NT5DC1: variants seen among roughly 807,000 people sequenced by gnomAD.
NT5DC1 encodes 5'-nucleotidase domain containing 1.
In NT5DC1, 42 loss-of-function variants were observed where a neutral mutation model predicts 59.4. That is an observed-to-expected ratio of 0.71 (90% CI 0.55 to 0.92). The LOEUF (loss-of-function observed/expected upper bound fraction) is 0.92, where lower values mean the gene tolerates loss of function less well. NT5DC1 is among the 40% of genes least tolerant of loss of function. NT5DC1 has a pLI of 0.00. For synonymous variants in NT5DC1, 172 were observed against 188.1 expected (o/e 0.91, Z 0.70); for missense variants, 501 against 537.1 (o/e 0.93, Z 0.66).
chr6:116,241,939 C>CAAAAAAAAAAAAAA (rs1280732737), intron 11 of NT5DC1, among the ~76,000 whole-genome samples: 1 of 12,030 alleles, frequency 8.3e-5, no homozygotes, highest in African/African-American at 3.0e-4. Flanking sequence ...AAAAAAAAAA[C>CAAAAAAAAAAAAAA]AAAACAAAAA....
At position 116,115,735 on chromosome 6, in the gene NT5DC1, C is replaced by A. The variant is rs777540067; in HGVS notation, c.409C>A (p.Leu137Ile). Reference protein sequence around the residue: ...YDNYFDLPGALLCARVVDYLT... With the variant: ...YDNYFDLPGAILCARVVDYLT... ...CAACTACTTTGACCTGCCAGGAGCT[C>A]TTCTGTGTGCCAGGGTGGTGGACTA... is the stretch of plus-strand genomic sequence containing the variant. Residue 137 changes from leucine to isoleucine, a missense_variant, in exon 5 of 12, where the codon CTT becomes ATT. By Grantham distance (5) the Leu-to-Ile change is conservative. Transcript: ENST00000319550. The A allele has an allele frequency of 1.2e-6, 2 of 1,604,930 alleles. No individual in the cohort carries two copies. The highest frequency in any genetic ancestry group is 3.3e-5 in the Admixed American group (2 of 59,976).
intron 6 of NT5DC1, among the ~76,000 whole-genome samples, chr6:116,194,944 A>G (rs1212213648): frequency 3.3e-5 from 5 of 152,080 alleles, no homozygotes; most frequent in African/African-American, 1.2e-4. Context: ...ATACTGTGGC[A>G]TATTTGCCAT....
At chr6:116,192,947 A>G (rs1252899063) in intron 6 of NT5DC1, among the ~76,000 whole-genome samples, 1 of 152,050 alleles carries the variant, frequency 6.6e-6, no homozygotes, top group Admixed American at 6.6e-5. Flanking sequence ...CCTTAAAGTC[A>G]AAAGCCAGGA....
rs1771868503 is a variant in NT5DC1 at position 116,247,318 on chromosome 6, T to C, written c.*3294T>C. On this transcript the variant is annotated 3_prime_UTR_variant, in exon 12 of 12. Transcript: ENST00000319550. ...ATAAAACTTACCTAGGAAAGTAAAA[T>C]AGAGATCCAAGAATCAGGAGTCCTA... 6.6e-6 allele frequency: 1 copy of C among 152,110 alleles called. No homozygotes were observed. Among genetic ancestry groups the C allele is most frequent in the African/African-American group, 2.4e-5 (1 of 41,436 alleles). 9.4% of individuals were successfully genotyped at this position (152,110 alleles called of 1,614,324 possible).
At chr6:116,185,562 TA>T (rs1280049962) in intron 6 of NT5DC1, among the ~76,000 whole-genome samples, 25 of 152,226 alleles carry the variant, frequency 1.6e-4, no homozygotes, top group African/African-American at 6.0e-4. Context: ...TGGGTGCGTA[TA>T]TAGTTAAGAT....
At chr6:116,222,027 C>G (rs914983011) in intron 7 of NT5DC1, among the ~76,000 whole-genome samples, 21 of 152,170 alleles carry the variant, frequency 1.4e-4, no homozygotes, top group Non-Finnish European at 1.5e-4. Flanking sequence ...GAGTATGGAG[C>G]AAGTTTGAGC....
chr6:116,114,762 G>T (rs1208430320), intron 4 of NT5DC1, among the ~76,000 whole-genome samples: 1 of 152,130 alleles, frequency 6.6e-6, no homozygotes, highest in Non-Finnish European at 1.5e-5. Flanking sequence ...AACAATGGTT[G>T]CTGGACTCCA....
chr6:116,193,830 G>A (rs549283447), intron 6 of NT5DC1, among the ~76,000 whole-genome samples: 7 of 152,110 alleles, frequency 4.6e-5, no homozygotes, highest in African/African-American at 1.4e-4. Flanking sequence ...TAGCACTTTG[G>A]GAGGCCGAAA....
chr6:116,208,531 T>C (rs1369797303), intron 6 of NT5DC1, among the ~76,000 whole-genome samples: 1 of 152,070 alleles, frequency 6.6e-6, no homozygotes, highest in Non-Finnish European at 1.5e-5. Flanking sequence ...TTTGTAAGGC[T>C]GTACTTAGGC....
At chr6:116,132,371 AGCC>A (rs1779490693) in intron 6 of NT5DC1, among the ~76,000 whole-genome samples, 1 of 152,130 alleles carries the variant, frequency 6.6e-6, no homozygotes, top group Non-Finnish European at 1.5e-5. Flanking sequence ...CCATTTCTCT[AGCC>A]TACTTTTCCT....
At chr6:116,156,494 A>G (rs1332087279) in intron 6 of NT5DC1, among the ~76,000 whole-genome samples, 1 of 152,190 alleles carries the variant, frequency 6.6e-6, no homozygotes, top group Non-Finnish European at 1.5e-5. Flanking sequence ...AGTGCAAAGT[A>G]AAAAGGAATG....
Position 116,100,934 on chromosome 6 carries a change from G to T in NT5DC1, c.4G>T (p.Ala2Ser). The T allele has an allele frequency of 6.2e-7, 1 of 1,601,904 alleles. No homozygotes were observed. ...CCCTGGTGCTCCCCGCGCAGCCATG[G>T]CTCAGCACTTCTCCCTGGCCGCCTG... Reference protein sequence around the residue: MAQHFSLAACDV... With the variant: MSQHFSLAACDV... The change falls in exon 1 of 12, where the codon GCT (alanine) becomes TCT (serine). Residue 2 changes from alanine (A) to serine (S), a missense_variant. Coordinates refer to ENST00000319550, the MANE Select transcript of NT5DC1 (RefSeq NM_152729.3).
chr6:116,114,832 G>C (rs1176777429), intron 4 of NT5DC1, among the ~76,000 whole-genome samples: 1 of 152,202 alleles, frequency 6.6e-6, no homozygotes, highest in Non-Finnish European at 1.5e-5. Flanking sequence ...CCATGGAACA[G>C]GAAGCAGGGC....
chr6:116,175,286 G>A (rs1475155324), intron 6 of NT5DC1, among the ~76,000 whole-genome samples: 4 of 151,928 alleles, frequency 2.6e-5, no homozygotes, highest in Non-Finnish European at 5.9e-5. Context: ...TGACACTATA[G>A]GTTAGTTTTA....
chr6:116,146,550 G>A (rs1779901622), intron 6 of NT5DC1, among the ~76,000 whole-genome samples: 1 of 152,126 alleles, frequency 6.6e-6, no homozygotes, highest in Non-Finnish European at 1.5e-5. Context: ...ATGTGCCAGG[G>A]GGAAGAGAAG....
chr6:116,220,919 T>C (rs767942995), intron 6 of NT5DC1, 135 bp from the exon 7 acceptor site: 5 of 555,158 alleles, frequency 9.0e-6, no homozygotes, highest in Non-Finnish European at 1.3e-5. Context: ...ATTGGCATAA[T>C]TGCTAGGTCG....
chr6:116,180,381 A>C (rs993729547), intron 6 of NT5DC1, among the ~76,000 whole-genome samples: 1 of 152,044 alleles, frequency 6.6e-6, no homozygotes, highest in Non-Finnish European at 1.5e-5. Context: ...TCCAGCTTTT[A>C]AAAAATGAAA....
chr6:116,145,460 G>A, intron 6 of NT5DC1: 1 of 386,724 alleles, frequency 2.6e-6, no homozygotes. Flanking sequence ...CCACATCCTT[G>A]CTTCAGGATA....
chr6:116,232,486 A>T (rs917093774), intron 8 of NT5DC1, among the ~76,000 whole-genome samples: 1 of 151,142 alleles, frequency 6.6e-6, no homozygotes, highest in Non-Finnish European at 1.5e-5. Context: ...AGAGTTCAAA[A>T]ATAAGACTTA....
Sources: allele counts gnomAD v4.1 joint callset (sites outside exome capture counted in the v4.1 genomes callset), GRCh38; gene constraint gnomAD v4.1.1; transcripts MANE v1.5; gene names NCBI Gene and HGNC (gene_info 2026-07-23, HGNC 2026-07-21).